Variants in KAZN observed in about 807,000 individuals in gnomAD.
The protein encoded by KAZN is kazrin.
Under a neutral mutation model 87.4 loss-of-function variants are expected in KAZN, and 40 were observed. The ratio of observed to expected loss-of-function variants is 0.46; its 90% confidence interval spans 0.36 to 0.60. The LOEUF (loss-of-function observed/expected upper bound fraction) is 0.60. Among genes scored for constraint, KAZN ranks in the 20% least tolerant of loss-of-function variants. The pLI, the probability that KAZN is intolerant of heterozygous loss-of-function variation, is 0.00. For missense variants in KAZN, 898 were observed against 1,073.9 expected (o/e 0.84, Z 2.29); for synonymous variants, 466 against 458.3 (o/e 1.02, Z -0.22).
intron 1 of KAZN, among the ~76,000 whole-genome samples, chr1:13,935,862 A>ATGTGTGTGTG (rs143281844): frequency 6.4e-5 from 8 of 124,236 alleles, no homozygotes; most frequent in Non-Finnish European, 1.4e-4. Flanking sequence ...TTACATCCTA[A>ATGTGTGTGTG]TGTGTGTGTG....
chr1:14,662,071 G>T (rs1639211266), intron 1 of KAZN, among the ~76,000 whole-genome samples: 1 of 152,186 alleles, frequency 6.6e-6, no homozygotes, highest in Non-Finnish European at 1.5e-5. Flanking sequence ...AAGTGGGTCT[G>T]TAGTCACACC....
At chr1:14,217,780 AT>A (rs1299190704) in intron 2 of KAZN, among the ~76,000 whole-genome samples, 1 of 152,152 alleles carries the variant, frequency 6.6e-6, no homozygotes, top group Non-Finnish European at 1.5e-5. Context: ...AAAAACAAAA[AT>A]TTAGGCATCC....
Position 15,066,320 on chromosome 1 carries a change from T to G in KAZN, c.1222+567T>G, listed in dbSNP as rs1639220794. ...CCCGTCTGGCAGAGGATGTGGTCTG[T>G]TTTTGATGTCCCCCCTCCCGCCCCC... is the stretch of plus-strand genomic sequence containing the variant. On this transcript the variant is annotated intron_variant, in intron 8 of 14. Coordinates refer to ENST00000376030, the MANE Select transcript of KAZN (RefSeq NM_201628.3). This position sits in a 1 kb window ranked among gnomAD's most constrained non-coding sequence, Gnocchi z 4.3. The G allele has an allele frequency of 1.0e-6, 1 of 985,852 alleles. No individual in the cohort carries two copies. Among genetic ancestry groups the G allele is most frequent in the Non-Finnish European group, 1.2e-6 (1 of 830,340 alleles). 61.1% of individuals were successfully genotyped at this position (985,852 alleles called of 1,614,324 possible).
chr1:14,077,397 C>A (rs1643504402), intron 1 of KAZN, among the ~76,000 whole-genome samples: 1 of 152,136 alleles, frequency 6.6e-6, no homozygotes, highest in Admixed American at 6.5e-5. Flanking sequence ...AGAAGACACC[C>A]TTAAGATGGG....
At chr1:14,959,627 G>C (rs1663596359) in intron 1 of KAZN, among the ~76,000 whole-genome samples, 1 of 152,206 alleles carries the variant, frequency 6.6e-6, no homozygotes, top group African/African-American at 2.4e-5. Flanking sequence ...GAATATTTCA[G>C]TATGTCCTTC....
At chr1:14,465,264 T>A (rs1397533385) in intron 2 of KAZN, among the ~76,000 whole-genome samples, 1 of 151,612 alleles carries the variant, frequency 6.6e-6, no homozygotes, top group Non-Finnish European at 1.5e-5. Flanking sequence ...CCAGGCATGG[T>A]GGAGGGCGCC....
At chr1:14,221,045 C>T (rs1261991207) in intron 2 of KAZN, among the ~76,000 whole-genome samples, 5 of 152,080 alleles carry the variant, frequency 3.3e-5, no homozygotes, top group African/African-American at 1.2e-4. Flanking sequence ...TTGTGTAGTT[C>T]CTGCCCCCAA....
At position 15,065,954 on chromosome 1, in the gene KAZN, T is replaced by A. The variant is rs12057431; in HGVS notation, c.1222+201T>A. The A allele has an allele frequency of 5.0e-6, 7 of 1,392,974 alleles. No homozygotes were observed. In the East Asian group the frequency reaches 1.9e-4, roughly 38 times the overall value. 86.3% of individuals were successfully genotyped at this position (1,392,974 alleles called of 1,614,324 possible). On this transcript the variant is annotated intron_variant, in intron 8 of 14. Coordinates refer to ENST00000376030, the MANE Select transcript of KAZN (RefSeq NM_201628.3). The stretch of plus-strand genomic sequence containing the variant: ...GGTGTGGCCGAGCGCCTCTAACAAG[T>A]GAAAACACGAGTGTGAACCTCTCTC...
chr1:14,654,340 A>G (rs1638652545), intron 1 of KAZN, among the ~76,000 whole-genome samples: 1 of 152,030 alleles, frequency 6.6e-6, no homozygotes, highest in African/African-American at 2.4e-5. Context: ...GTACTTGAAC[A>G]GCAAGTTACA....
At chr1:14,335,295 T>G (rs892153132) in intron 2 of KAZN, among the ~76,000 whole-genome samples, 1 of 151,202 alleles carries the variant, frequency 6.6e-6, no homozygotes, top group African/African-American at 2.4e-5. Context: ...CTCCACCTCC[T>G]GAGTTGAAGT....
At chr1:14,580,590 A>G (rs620532) in intron 2 of KAZN, among the ~76,000 whole-genome samples, 148,102 of 152,282 alleles carry the variant, frequency 0.97, 72,166 homozygotes, top group Middle Eastern at 1. Context: ...GGGGCTCAGG[A>G]TAAGAGGCCT....
chr1:14,114,971 G>A (rs1644582936), intron 1 of KAZN, among the ~76,000 whole-genome samples: 1 of 152,218 alleles, frequency 6.6e-6, no homozygotes, highest in African/African-American at 2.4e-5. Context: ...CAGGTCTATT[G>A]TGTACAAACC....
intron 2 of KAZN, among the ~76,000 whole-genome samples, chr1:14,565,744 G>C (rs895198532): frequency 3.9e-5 from 6 of 152,180 alleles, no homozygotes; most frequent in African/African-American, 1.2e-4. Context: ...ACTAGGAGTA[G>C]TTTCCATCTC....
intron 2 of KAZN, among the ~76,000 whole-genome samples, chr1:14,496,939 C>A (rs1171168140): frequency 6.6e-6 from 1 of 152,096 alleles, no homozygotes; most frequent in Non-Finnish European, 1.5e-5. Context: ...GCTCCCTTTC[C>A]AGATGCATTG....
intron 2 of KAZN, among the ~76,000 whole-genome samples, chr1:14,325,992 G>T (rs922398436): frequency 4.6e-5 from 7 of 152,086 alleles, no homozygotes; most frequent in African/African-American, 1.7e-4. Context: ...CACTCCACAG[G>T]TGAATGCACC....
chr1:15,108,949 T>C (rs1187276598), intron 13 of KAZN, among the ~76,000 whole-genome samples: 1 of 152,166 alleles, frequency 6.6e-6, no homozygotes. Context: ...TTTCATCTTA[T>C]CCAAAGGCCT....
At chr1:14,882,508 G>A (rs576465334) in intron 1 of KAZN, among the ~76,000 whole-genome samples, 1 of 152,276 alleles carries the variant, frequency 6.6e-6, no homozygotes, top group Non-Finnish European at 1.5e-5. Flanking sequence ...CCTGCTCGAG[G>A]TCAGGCATAT....
At chr1:14,985,244 TTGGTGGGAG>T (rs1030085113) in intron 2 of KAZN, among the ~76,000 whole-genome samples, 12 of 110,332 alleles carry the variant, frequency 1.1e-4, no homozygotes, top group Admixed American at 8.0e-5. Context: ...TCCCAGAACT[TTGGTGGGAG>T]GCCAAGGTGG....
At chr1:14,198,204 A>G (rs1177896956) in intron 2 of KAZN, among the ~76,000 whole-genome samples, 1 of 152,210 alleles carries the variant, frequency 6.6e-6, no homozygotes, top group Admixed American at 6.5e-5. Flanking sequence ...TCCAAGAGCA[A>G]TAGAAGCCAC....
Sources: allele counts gnomAD v4.1 joint callset (sites outside exome capture counted in the v4.1 genomes callset), GRCh38; gene constraint gnomAD v4.1.1; non-coding constraint Gnocchi (gnomAD v3.1); transcripts MANE v1.5; gene names NCBI Gene and HGNC (gene_info 2026-07-23, HGNC 2026-07-21).